Variants in ABCC9 observed in about 807,000 individuals in gnomAD.
ABCC9 encodes ATP binding cassette subfamily C member 9.
A neutral mutation model predicts 188.3 loss-of-function variants in ABCC9; 95 were observed. That is an observed-to-expected ratio of 0.50 (90% CI 0.43 to 0.60). The LOEUF (loss-of-function observed/expected upper bound fraction) is 0.60. Among genes scored for constraint, ABCC9 ranks in the 20% least tolerant of loss-of-function variants. The pLI, the probability that ABCC9 is intolerant of heterozygous loss-of-function variation, is 0.00. For missense variants in ABCC9, 1,102 were observed against 1,876.3 expected (o/e 0.59, Z 7.62); for synonymous variants, 659 against 652.7 (o/e 1.01, Z -0.15).
intron 24 of ABCC9, among the ~76,000 whole-genome samples, chr12:21,850,244 C>T (rs1246375268): frequency 6.6e-6 from 1 of 151,636 alleles, no homozygotes; most frequent in Non-Finnish European, 1.5e-5. Context: ...AAAATTGGCC[C>T]AGGTTGATAG....
chr12:21,914,676 G>T (rs372768438), intron 7 of ABCC9, among the ~76,000 whole-genome samples: 2 of 152,038 alleles, frequency 1.3e-5, no homozygotes, highest in African/African-American at 4.8e-5. Context: ...AGTTATACAT[G>T]ATCATTGAAC....
chr12:21,934,884 T>G (rs1023782246), intron 3 of ABCC9, among the ~76,000 whole-genome samples: 1 of 152,082 alleles, frequency 6.6e-6, no homozygotes, highest in African/African-American at 2.4e-5. Context: ...TATTCATCAT[T>G]GGAAGATTAG....
Position 21,936,692 on chromosome 12 carries a change from A to G in ABCC9, c.-18T>C, listed in dbSNP as rs1565502354. ...AGGCTCATTTCTTCTTATATGGTTTACTCTAAAAGGGAGAGAAATGAGAAA... is the reference window on the plus strand; with the variant it reads ...AGGCTCATTTCTTCTTATATGGTTTGCTCTAAAAGGGAGAGAAATGAGAAA... On this transcript the variant is annotated splice_region_variant and 5_prime_UTR_variant, in exon 3 of 40. Transcript: ENST00000261200. 1 of 1,597,862 alleles carries G rather than the reference A, an allele frequency of 6.3e-7. No individual in the cohort carries two copies. The highest frequency in any genetic ancestry group is 1.3e-5 in the African/African-American group (1 of 74,426).
intron 31 of ABCC9, among the ~76,000 whole-genome samples, chr12:21,819,070 G>A (rs1942866289): frequency 6.6e-6 from 1 of 152,018 alleles, no homozygotes. Context: ...TTTAATAACA[G>A]CCATAGATTC....
intron 21 of ABCC9, 25 bp downstream of exon 21, chr12:21,860,946 C>T (rs1487507462): frequency 3.2e-6 from 5 of 1,559,508 alleles, no homozygotes; most frequent in Non-Finnish European, 4.4e-6. Flanking sequence ...TTGTTCATTG[C>T]TTAATGAAAC....
At position 21,842,339 on chromosome 12, in the gene ABCC9, G is replaced by A; in HGVS notation, c.3448C>T (p.Gln1150Ter). 6.2e-7 allele frequency: 1 copy of A among 1,614,016 alleles called. No homozygotes were observed. The highest frequency in any genetic ancestry group is 8.5e-7 in the Non-Finnish European group (1 of 1,179,972). The change falls in exon 29 of 40, where the codon CAG (glutamine) becomes TAG (stop). Residue 1150 changes from glutamine to a stop codon, truncating the protein, a stop_gained. Transcript: ENST00000261200. LOFTEE classifies it high-confidence loss of function. ...LPLGVAFYFIQKYFRVASKDL... is the reference protein window; with the variant it reads ...LPLGVAFYFI The stretch of plus-strand genomic sequence containing the variant: ...TTAGAGGCAACCCGAAAGTATTTCT[G>A]GATAAAATAAAAGGCAACACCAAGG...
chr12:21,818,109 G>A (rs201437433), intron 32 of ABCC9, 41 bp downstream of exon 32: 2 of 1,412,464 alleles, frequency 1.4e-6, no homozygotes, highest in Admixed American at 3.4e-5. Flanking sequence ...AACATGCGGT[G>A]TTTGGTTATC....
At chr12:21,852,611 CA>C (rs1945027311) in intron 22 of ABCC9, 106 bp from the exon 23 acceptor site, 1 of 1,305,284 alleles carries the variant, frequency 7.7e-7, no homozygotes, top group Non-Finnish European at 1.1e-6. Flanking sequence ...AATCATCCCC[CA>C]AATCTAATTT....
intron 17 of ABCC9, among the ~76,000 whole-genome samples, chr12:21,874,631 GAATA>G (rs1158889316): frequency 6.6e-6 from 1 of 152,076 alleles, no homozygotes; most frequent in African/African-American, 2.4e-5. Context: ...ACAGATGAAT[GAATA>G]AAGAAAATGT....
At chr12:21,899,982 T>C (rs1947637925) in intron 12 of ABCC9, among the ~76,000 whole-genome samples, 1 of 151,936 alleles carries the variant, frequency 6.6e-6, no homozygotes, top group African/African-American at 2.4e-5. Flanking sequence ...TAGCATGGAG[T>C]TTGGGATCTG....
At chr12:21,872,486 C>A (rs1350500683) in intron 18 of ABCC9, 139 bp downstream of exon 18, 2 of 682,526 alleles carry the variant, frequency 2.9e-6, no homozygotes, top group African/African-American at 3.6e-5. Flanking sequence ...AGGTTTCCAT[C>A]AATTTTTTTT....
At chr12:21,819,643 T>C (rs1216569189) in intron 31 of ABCC9, among the ~76,000 whole-genome samples, 2 of 152,230 alleles carry the variant, frequency 1.3e-5, no homozygotes, top group Non-Finnish European at 2.9e-5. Flanking sequence ...GGAATAAAAA[T>C]GTTAAATACC....
chr12:21,933,264 A>G (rs1949357351), intron 4 of ABCC9, among the ~76,000 whole-genome samples: 1 of 151,970 alleles, frequency 6.6e-6, no homozygotes, highest in Admixed American at 6.6e-5. Flanking sequence ...CAGGAAAAAC[A>G]ACTAATGGGT....
At chr12:21,861,164 C>G in intron 20 of ABCC9, 109 bp from the exon 21 acceptor site, 1 of 854,574 alleles carries the variant, frequency 1.2e-6, no homozygotes, top group East Asian at 2.6e-5. Flanking sequence ...TGCTGAATCA[C>G]TTATTATATG....
intron 4 of ABCC9, among the ~76,000 whole-genome samples, chr12:21,931,045 C>T (rs960131569): frequency 3.9e-5 from 6 of 152,096 alleles, no homozygotes; most frequent in Admixed American, 6.5e-5. Flanking sequence ...TATAGAAGCA[C>T]ATTTAAATTT....
intron 4 of ABCC9, among the ~76,000 whole-genome samples, chr12:21,933,431 T>G (rs188506381): frequency 6.6e-6 from 1 of 152,062 alleles, no homozygotes; most frequent in African/African-American, 2.4e-5. Flanking sequence ...AGTTTTGTGG[T>G]TTGCATCAAT....
intron 18 of ABCC9, among the ~76,000 whole-genome samples, chr12:21,870,219 G>A (rs1945999129): frequency 6.6e-6 from 1 of 151,240 alleles, no homozygotes; most frequent in African/African-American, 2.4e-5. Context: ...ACCTTTTATT[G>A]ACTTTTTATA....
chr12:21,930,505 A>G (rs1414197005), intron 4 of ABCC9, among the ~76,000 whole-genome samples: 1 of 152,154 alleles, frequency 6.6e-6, no homozygotes, highest in East Asian at 1.9e-4. Flanking sequence ...TACACAGATA[A>G]TCTTAGGTCT....
chr12:21,873,096 G>A (rs528861445), intron 17 of ABCC9, among the ~76,000 whole-genome samples: 1 of 151,826 alleles, frequency 6.6e-6, no homozygotes, highest in South Asian at 2.1e-4. Flanking sequence ...ATTTCTATTT[G>A]AAGAAGAGAG....
Sources: allele counts gnomAD v4.1 joint callset (sites outside exome capture counted in the v4.1 genomes callset), GRCh38; gene constraint gnomAD v4.1.1; transcripts MANE v1.5; gene names NCBI Gene and HGNC (gene_info 2026-07-23, HGNC 2026-07-21).